Variants in PPP1R12B observed in about 807,000 individuals in gnomAD.
The protein encoded by PPP1R12B is myosin phosphatase target subunit 2.
In PPP1R12B, 76 loss-of-function variants were observed where a neutral mutation model predicts 126.1. The observed-to-expected ratio is 0.60, with a 90% CI of 0.50 to 0.73. The LOEUF is 0.73. Ranked by LOEUF, PPP1R12B falls within the 30% of genes least tolerant of loss-of-function variation. The pLI is 0.00. For synonymous variants in PPP1R12B, 356 were observed against 434.7 expected, an observed-to-expected ratio of 0.82 and a Z score of 2.25; for missense variants, 1,052 against 1,205.1, an observed-to-expected ratio of 0.87 and a Z score of 1.88.
chr1:202,513,057 T>C (rs1287181042), intron 18 of PPP1R12B, among the ~76,000 whole-genome samples: 2 of 152,212 alleles, frequency 1.3e-5, no homozygotes, highest in Admixed American at 1.3e-4. Flanking sequence ...CACTGCAACC[T>C]CCACCTCTTG....
intron 1 of PPP1R12B, among the ~76,000 whole-genome samples, chr1:202,384,630 A>T (rs558612439): frequency 6.6e-6 from 1 of 152,318 alleles, no homozygotes; most frequent in East Asian, 1.9e-4. Context: ...ATTGCATAGG[A>T]TGATGGTTGC....
chr1:202,462,674 A>C (rs1674465869), intron 13 of PPP1R12B: 3 of 796,818 alleles, frequency 3.8e-6, no homozygotes, highest in Non-Finnish European at 3.0e-6. Flanking sequence ...GGAGGGACCA[A>C]AATTTTCAGC....
intron 18 of PPP1R12B, among the ~76,000 whole-genome samples, chr1:202,518,458 A>C (rs2148909634): frequency 6.6e-6 from 1 of 152,310 alleles, no homozygotes; most frequent in African/African-American, 2.4e-5. Flanking sequence ...CTTAAAATAG[A>C]GTGGATTATA....
chr1:202,366,270 G>A (rs1055939514), intron 1 of PPP1R12B, among the ~76,000 whole-genome samples: 1 of 152,172 alleles, frequency 6.6e-6, no homozygotes, highest in African/African-American at 2.4e-5. Flanking sequence ...TGTAATCCCA[G>A]CACTTTGGGA....
chr1:202,569,426 CCT>C (rs1688382204), intron 23 of PPP1R12B, among the ~76,000 whole-genome samples: 2 of 152,056 alleles, frequency 1.3e-5, no homozygotes, highest in Admixed American at 1.3e-4. Flanking sequence ...AAAAATACTG[CCT>C]TTGGTTTAAG....
chr1:202,395,784 C>T (rs1664892553), intron 1 of PPP1R12B, among the ~76,000 whole-genome samples: 1 of 152,208 alleles, frequency 6.6e-6, no homozygotes, highest in African/African-American at 2.4e-5. Flanking sequence ...AAACCCTAAA[C>T]TCGTTACCTC....
intron 18 of PPP1R12B, among the ~76,000 whole-genome samples, chr1:202,535,055 ATGTGTGTGTGTG>A (rs145949486): frequency 6.8e-6 from 1 of 146,082 alleles, no homozygotes; most frequent in Non-Finnish European, 1.5e-5. Context: ...GTGTGTGTGT[ATGTGTGTGTGTG>A]TGTGTGTGTG....
In PPP1R12B at chr1:202,488,535, C is replaced by T; in HGVS notation, c.1853C>T (p.Ser618Phe). Residue 618 changes from serine to phenylalanine, a missense_variant and splice_region_variant, in exon 14 of 24, where the codon TCC becomes TTC. Physicochemically the swap from Ser to Phe is radical, Grantham distance 155. Coordinates refer to ENST00000608999, the MANE Select transcript of PPP1R12B (RefSeq NM_002481.4). ...SSVEAREKRR[S>F]YLTPVRDEEA... Reference sequence around the variant, plus strand: ...CTATTACTTTTTTTTCTCTGCAGGTCCTATCTGACTCCTGTACGGGATGAG... The same window carrying T: ...CTATTACTTTTTTTTCTCTGCAGGTTCTATCTGACTCCTGTACGGGATGAG... 6.2e-7 allele frequency: 1 copy of T among 1,606,254 alleles called. No individual in the cohort carries two copies.
At position 202,348,802 on chromosome 1, in the gene PPP1R12B, A is replaced by G. The variant is rs746304035; in HGVS notation, c.-50A>G. ...GGCGGCAGCGGCAACTCGAGCCCCA[A>G]CAGTAATTTAGTGTTGGTAGTTTTG... On this transcript the variant is annotated 5_prime_UTR_variant, in exon 1 of 24. Transcript: ENST00000608999. 25 of 1,559,906 alleles carry G rather than the reference A, an allele frequency of 1.6e-5. No homozygotes were observed. Among genetic ancestry groups the G allele is most frequent in the Non-Finnish European group, 1.9e-5 (22 of 1,157,576 alleles).
At chr1:202,408,544 A>G (rs927904889) in intron 1 of PPP1R12B, among the ~76,000 whole-genome samples, 1 of 152,174 alleles carries the variant, frequency 6.6e-6, no homozygotes, top group African/African-American at 2.4e-5. Context: ...TGGCAAGTTT[A>G]TTAGTTTCCT....
chr1:202,384,743 T>C (rs1367860767), intron 1 of PPP1R12B, among the ~76,000 whole-genome samples: 3 of 152,228 alleles, frequency 2.0e-5, no homozygotes, highest in African/African-American at 4.8e-5. Flanking sequence ...TAAAAGACAA[T>C]TAAAAAATTT....
At chr1:202,362,650 A>AG (rs1429778729) in intron 1 of PPP1R12B, among the ~76,000 whole-genome samples, 2 of 128,868 alleles carry the variant, frequency 1.6e-5, no homozygotes, top group Admixed American at 9.4e-5. Context: ...AGCAAGGCCC[A>AG]GGGTTTTTGT....
At chr1:202,469,505 A>G (rs1460128578) in intron 13 of PPP1R12B, among the ~76,000 whole-genome samples, 1 of 152,216 alleles carries the variant, frequency 6.6e-6, no homozygotes, top group African/African-American at 2.4e-5. Context: ...TCCTTATGCT[A>G]GGACTGGGGT....
At chr1:202,406,420 G>A (rs547317491) in intron 1 of PPP1R12B, among the ~76,000 whole-genome samples, 2 of 152,274 alleles carry the variant, frequency 1.3e-5, no homozygotes, top group African/African-American at 2.4e-5. Flanking sequence ...TAAAATTATT[G>A]GAGTAGACTA....
intron 13 of PPP1R12B, among the ~76,000 whole-genome samples, chr1:202,469,566 A>G (rs1314460804): frequency 6.6e-6 from 1 of 152,182 alleles, no homozygotes; most frequent in Non-Finnish European, 1.5e-5. Flanking sequence ...ATTGTTCTGT[A>G]TCTTGATTAC....
chr1:202,562,703 T>G, intron 19 of PPP1R12B, 75 bp from the exon 20 acceptor site: 1 of 1,481,284 alleles, frequency 6.8e-7, no homozygotes, highest in Non-Finnish European at 9.4e-7. Flanking sequence ...AGGCGCAAAC[T>G]ACCCCTGAGC....
chr1:202,533,199 GA>G (rs898146424), intron 18 of PPP1R12B, among the ~76,000 whole-genome samples: 40 of 152,294 alleles, frequency 2.6e-4, no homozygotes, highest in African/African-American at 9.4e-4. Flanking sequence ...CATGGGAGCA[GA>G]AAGATCCAAT....
At chr1:202,496,076 CTAAA>C (rs1223061330) in intron 17 of PPP1R12B, among the ~76,000 whole-genome samples, 1 of 152,156 alleles carries the variant, frequency 6.6e-6, no homozygotes, top group Non-Finnish European at 1.5e-5. Context: ...GAGATTCTAA[CTAAA>C]TATTGTAGGA....
At chr1:202,391,559 A>C (rs1167664304) in intron 1 of PPP1R12B, among the ~76,000 whole-genome samples, 2 of 151,996 alleles carry the variant, frequency 1.3e-5, no homozygotes, top group Non-Finnish European at 2.9e-5. Flanking sequence ...CAGCAATTCT[A>C]CTCAGGTGTA....
Sources: gnomAD v4.1 joint callset for allele counts (sites outside exome capture counted in the v4.1 genomes callset) on GRCh38, gnomAD v4.1.1 for gene constraint, MANE v1.5 for transcripts, NCBI Gene and HGNC (gene_info 2026-07-23, HGNC 2026-07-21) for gene names.